The following ARHGDIB variants were observed in gnomAD, a reference collection of about 807,000 sequenced individuals.
The protein encoded by ARHGDIB is Rho GDP dissociation inhibitor beta, also known as rho GDP-dissociation inhibitor 2.
Under a neutral mutation model 22.6 loss-of-function variants are expected in ARHGDIB, and 20 were observed. The observed-to-expected ratio is 0.88, with a 90% CI of 0.62 to 1.28. ARHGDIB has a LOEUF of 1.28. ARHGDIB is among the 50% of genes most tolerant of loss of function. The pLI is 0.00. For synonymous variants in ARHGDIB, 114 were observed against 96.1 expected (o/e 1.19, Z -1.09); for missense variants, 254 against 245.4 (o/e 1.04, Z -0.23).
chr12:14,949,674 G>A, intron 3 of ARHGDIB, 128 bp downstream of exon 3: 2 of 807,086 alleles, frequency 2.5e-6, no homozygotes, highest in South Asian at 2.9e-5. Flanking sequence ...GCAATGATTT[G>A]TTAACTGGTC....
intron 5 of ARHGDIB, 85 bp from the exon 6 acceptor site, chr12:14,942,806 TAC>T (rs2120662360): frequency 8.4e-7 from 1 of 1,188,972 alleles, no homozygotes; most frequent in East Asian, 2.5e-5. Flanking sequence ...GACTACAGCC[TAC>T]AGTGATTAAA....
chr12:14,952,717 C>T (rs552246604), intron 1 of ARHGDIB, among the ~76,000 whole-genome samples: 6 of 152,290 alleles, frequency 3.9e-5, no homozygotes, highest in Middle Eastern at 6.8e-3. Context: ...CCCTGGTGAT[C>T]CCCGGAGGAT....
intron 2 of ARHGDIB, among the ~76,000 whole-genome samples, chr12:14,950,277 A>T (rs1329812466): frequency 6.6e-6 from 1 of 152,222 alleles, no homozygotes; most frequent in African/African-American, 2.4e-5. Context: ...TACAATTCTA[A>T]GTGGTAGCCT....
At chr12:14,961,490 C>T (rs1864410349) in intron 1 of ARHGDIB, 47 bp downstream of exon 1, 1 of 152,252 alleles carries the variant, frequency 6.6e-6, no homozygotes, top group Admixed American at 6.5e-5. Context: ...TCCGACTTTG[C>T]TCTGTGCCCA....
At chr12:14,950,806 T>G in intron 1 of ARHGDIB, 82 bp from the exon 2 acceptor site, 1 of 1,170,842 alleles carries the variant, frequency 8.5e-7, no homozygotes, top group Non-Finnish European at 1.2e-6. Context: ...GCAGCCTCCT[T>G]ACCCTCATGG....
At chr12:14,942,979 CTG>C (rs1863908766) in intron 5 of ARHGDIB, among the ~76,000 whole-genome samples, 1 of 152,056 alleles carries the variant, frequency 6.6e-6, no homozygotes, top group African/African-American at 2.4e-5. Flanking sequence ...AGTGATTCTC[CTG>C]CCTCAACCTC....
chr12:14,942,748 G>T, intron 5 of ARHGDIB, 27 bp from the exon 6 acceptor site: 1 of 1,603,334 alleles, frequency 6.2e-7, no homozygotes. Flanking sequence ...GTTCATTAGG[G>T]TAAGAGCCTG....
intron 2 of ARHGDIB, among the ~76,000 whole-genome samples, chr12:14,950,236 C>G (rs1407013961): frequency 6.6e-6 from 1 of 152,004 alleles, no homozygotes; most frequent in African/African-American, 2.4e-5. Flanking sequence ...TAGGTAAGGA[C>G]TGAGAAAGAG....
intron 1 of ARHGDIB, among the ~76,000 whole-genome samples, chr12:14,956,784 A>G (rs973458859): frequency 1.6e-4 from 24 of 152,224 alleles, no homozygotes; most frequent in African/African-American, 5.5e-4. Context: ...CTACTCAGCA[A>G]AGCACTGGCA....
At chr12:14,947,632 G>A in intron 4 of ARHGDIB, 1 of 453,258 alleles carries the variant, frequency 2.2e-6, no homozygotes, top group Non-Finnish European at 4.0e-6. Context: ...TTCACAGAGG[G>A]ATCCCATTGG....
At chr12:14,955,025 A>ATATTT (rs778341368) in intron 1 of ARHGDIB, among the ~76,000 whole-genome samples, 2 of 152,204 alleles carry the variant, frequency 1.3e-5, no homozygotes, top group African/African-American at 2.4e-5. Context: ...CAGATGCTGC[A>ATATTT]TATTTTATTT....
At chr12:14,947,146 C>T (rs1256154951) in intron 4 of ARHGDIB, among the ~76,000 whole-genome samples, 2 of 152,154 alleles carry the variant, frequency 1.3e-5, no homozygotes, top group African/African-American at 2.4e-5. Flanking sequence ...TGAGAGGCCA[C>T]CAAAGCAAAC....
At chr12:14,957,546 T>C (rs903841275) in intron 1 of ARHGDIB, among the ~76,000 whole-genome samples, 1 of 152,216 alleles carries the variant, frequency 6.6e-6, no homozygotes, top group Non-Finnish European at 1.5e-5. Context: ...AATGAGACTA[T>C]ATTATATTTC....
chr12:14,949,537 C>A (rs1227577554), intron 3 of ARHGDIB, among the ~76,000 whole-genome samples: 1 of 152,194 alleles, frequency 6.6e-6, no homozygotes. Context: ...AATAACAATT[C>A]TCTTACTATC....
intron 1 of ARHGDIB, among the ~76,000 whole-genome samples, chr12:14,960,243 C>T (rs1864383648): frequency 6.6e-6 from 1 of 152,170 alleles, no homozygotes; most frequent in African/African-American, 2.4e-5. Flanking sequence ...TACCATAGGT[C>T]TAGAGTTTAA....
At chr12:14,952,775 A>T (rs754772521) in intron 1 of ARHGDIB, among the ~76,000 whole-genome samples, 1 of 152,212 alleles carries the variant, frequency 6.6e-6, no homozygotes, top group Non-Finnish European at 1.5e-5. Context: ...ACAACGGTTC[A>T]TAGAGGAAGA....
intron 1 of ARHGDIB, among the ~76,000 whole-genome samples, chr12:14,952,709 C>G (rs1255691078): frequency 1.3e-5 from 2 of 152,140 alleles, no homozygotes; most frequent in Admixed American, 6.5e-5. Flanking sequence ...ACCCAGAACC[C>G]TGGTGATCCC....
rs1461028296 is a variant in ARHGDIB, at chr12:14,942,623, G to A, written c.505C>T (p.Arg169Ter). The A allele has an allele frequency of 6.8e-6, 11 of 1,614,008 alleles. No individual in the cohort carries two copies. The highest frequency in any genetic ancestry group is 2.2e-5 in the East Asian group (1 of 44,894). The part of the protein sequence containing the change: ...VEEAPKGMLA[R>*]GTYHNKSFFT... ...AAGGACTTGTTGTGGTACGTGCCTCGCGCCAGCATGCCCTTGGGAGCCTCC... is the reference window on the plus strand; with the variant it reads ...AAGGACTTGTTGTGGTACGTGCCTCACGCCAGCATGCCCTTGGGAGCCTCC... Residue 169 changes from arginine to a stop codon, truncating the protein, a stop_gained, in exon 6 of 6, where the codon CGA becomes TGA. Coordinates refer to ENST00000228945, the MANE Select transcript of ARHGDIB (RefSeq NM_001175.7). LOFTEE classifies it high-confidence loss of function.
rs745592634 is a variant in ARHGDIB at position 14,950,656 on chromosome 12, G to C, written c.57C>G (p.Asp19Glu). ...GTGGAGGCTTATAATTGAGCTTGCT[G>C]TCCAGCTCATCATCGTCATCCTCCT... Reference protein sequence around the residue: ...HVEEDDDDELDSKLNYKPPPQ... With the variant: ...HVEEDDDDELESKLNYKPPPQ... The change falls in exon 2 of 6, where the codon GAC becomes GAG. Residue 19 changes from aspartate (D) to glutamate (E), a missense_variant. Coordinates refer to ENST00000228945, the MANE Select transcript of ARHGDIB (RefSeq NM_001175.7). 9.3e-6 allele frequency: 15 copies of C among 1,613,802 alleles called. No individual in the cohort carries two copies. Among genetic ancestry groups the C allele is most frequent in the South Asian group, 4.4e-5 (4 of 91,074 alleles).
Sources: allele counts gnomAD v4.1 joint callset (sites outside exome capture counted in the v4.1 genomes callset), GRCh38; gene constraint gnomAD v4.1.1; transcripts MANE v1.5; gene names NCBI Gene and HGNC (gene_info 2026-07-23, HGNC 2026-07-21).